Variants in EDIL3 observed in about 807,000 individuals in gnomAD.
The protein encoded by EDIL3 is EGF-like repeat and discoidin I-like domain-containing protein 3.
Under a neutral mutation model 67.4 loss-of-function variants are expected in EDIL3, and 37 were observed. The ratio of observed to expected loss-of-function variants is 0.55; its 90% CI spans 0.42 to 0.72. The LOEUF (loss-of-function observed/expected upper bound fraction) is 0.72. EDIL3 is among the 30% of genes least tolerant of loss of function. The pLI is 0.00. For synonymous variants in EDIL3, 195 were observed against 196.3 expected (o/e 0.99, Z 0.05); for missense variants, 527 against 586.3 (o/e 0.90, Z 1.04).
intron 4 of EDIL3, among the ~76,000 whole-genome samples, chr5:84,139,807 T>C (rs1050531764): frequency 6.6e-6 from 1 of 152,142 alleles, no homozygotes; most frequent in African/African-American, 2.4e-5. Context: ...AAAAGTTTAA[T>C]TAAGACTAAT....
intron 1 of EDIL3, among the ~76,000 whole-genome samples, chr5:84,319,494 CAAAAAAAAAAAAAAAAA>C (rs55738450): frequency 1.2e-4 from 5 of 42,832 alleles, no homozygotes; most frequent in Admixed American, 3.3e-4. Context: ...CAAAAAACAA[CAAAAAAAAAAAAAAAAA>C]AAAAAAAAAA....
At chr5:84,206,925 C>T (rs1051097027) in intron 3 of EDIL3, among the ~76,000 whole-genome samples, 2 of 152,120 alleles carry the variant, frequency 1.3e-5, no homozygotes, top group African/African-American at 4.8e-5. Context: ...TATGACAAAC[C>T]CACAGTCAAT....
chr5:83,994,050 T>C (rs1318237018), intron 9 of EDIL3, among the ~76,000 whole-genome samples: 1 of 152,220 alleles, frequency 6.6e-6, no homozygotes, highest in Admixed American at 6.5e-5. Flanking sequence ...AATGTCTTAG[T>C]AGTATGCTCC....
At chr5:84,135,413 A>G (rs1748073834) in intron 5 of EDIL3, among the ~76,000 whole-genome samples, 1 of 152,154 alleles carries the variant, frequency 6.6e-6, no homozygotes, top group Admixed American at 6.5e-5. Context: ...TCAGGTACAA[A>G]TTCTCTATTT....
chr5:84,018,864 A>G (rs1381368138), intron 9 of EDIL3, among the ~76,000 whole-genome samples: 1 of 152,202 alleles, frequency 6.6e-6, no homozygotes, highest in Non-Finnish European at 1.5e-5. Flanking sequence ...CACACCAGTT[A>G]GAATGGCGAT....
At chr5:84,215,379 G>A (rs1488409613) in intron 3 of EDIL3, among the ~76,000 whole-genome samples, 1 of 151,630 alleles carries the variant, frequency 6.6e-6, no homozygotes, top group Non-Finnish European at 1.5e-5. Context: ...TCAGCCTCCC[G>A]AGTAGCTGGG....
chr5:83,996,527 A>G (rs1245233643), intron 9 of EDIL3, among the ~76,000 whole-genome samples: 1 of 152,192 alleles, frequency 6.6e-6, no homozygotes, highest in Non-Finnish European at 1.5e-5. Flanking sequence ...CAGTGACAGT[A>G]TGGAGGAATG....
intron 5 of EDIL3, among the ~76,000 whole-genome samples, chr5:84,135,466 G>A (rs889004177): frequency 5.9e-5 from 9 of 152,082 alleles, no homozygotes; most frequent in African/African-American, 2.2e-4. Context: ...CAGTTTTTTT[G>A]TTCATCATAA....
chr5:83,949,711 G>T (rs557565477), intron 10 of EDIL3, among the ~76,000 whole-genome samples: 1 of 151,802 alleles, frequency 6.6e-6, no homozygotes, highest in Non-Finnish European at 1.5e-5. Context: ...ACAGACACAT[G>T]TCATTCCAGT....
intron 3 of EDIL3, among the ~76,000 whole-genome samples, chr5:84,220,605 G>A (rs1290026174): frequency 6.6e-6 from 1 of 152,164 alleles, no homozygotes; most frequent in African/African-American, 2.4e-5. Flanking sequence ...GACCTTCATT[G>A]ATTGGTGACC....
At chr5:84,232,623 C>T (rs1457478340) in intron 2 of EDIL3, among the ~76,000 whole-genome samples, 1 of 152,124 alleles carries the variant, frequency 6.6e-6, no homozygotes, top group Admixed American at 6.6e-5. Context: ...TACAAATTAA[C>T]AGAATTACAG....
chr5:84,180,249 T>C (rs1027148336), intron 4 of EDIL3, 144 bp downstream of exon 4: 2 of 855,734 alleles, frequency 2.3e-6, no homozygotes, highest in African/African-American at 3.5e-5. Flanking sequence ...CATGGTGTAT[T>C]CCATGGGAGA....
intron 5 of EDIL3, among the ~76,000 whole-genome samples, chr5:84,134,009 T>C (rs1410960154): frequency 6.6e-6 from 1 of 151,072 alleles, no homozygotes; most frequent in Non-Finnish European, 1.5e-5. Flanking sequence ...ATTATTAACA[T>C]GAAATAATTT....
intron 5 of EDIL3, among the ~76,000 whole-genome samples, chr5:84,109,398 C>A (rs1230212732): frequency 6.6e-6 from 1 of 152,026 alleles, no homozygotes; most frequent in Non-Finnish European, 1.5e-5. Flanking sequence ...CCCAGCTACT[C>A]AGGAGGCTGA....
chr5:84,366,464 G>A (rs116701222), intron 1 of EDIL3, among the ~76,000 whole-genome samples: 1,917 of 152,272 alleles, frequency 0.013, 19 homozygotes, highest in Middle Eastern at 0.034. Context: ...GCTTTACTTT[G>A]TCTAATGCTT....
intron 1 of EDIL3, among the ~76,000 whole-genome samples, chr5:84,352,326 T>A (rs74410191): frequency 0.014 from 2,171 of 152,150 alleles, 61 homozygotes; most frequent in African/African-American, 0.05. Context: ...CAAAAAGACA[T>A]CTGCCCTGTT....
chr5:84,294,040 A>G (rs1237852184), intron 1 of EDIL3, among the ~76,000 whole-genome samples: 1 of 151,976 alleles, frequency 6.6e-6, no homozygotes, highest in African/African-American at 2.4e-5. Flanking sequence ...TACATACTGT[A>G]AAATTGCAGA....
chr5:84,057,165 A>G (rs1209276767), intron 9 of EDIL3, among the ~76,000 whole-genome samples: 1 of 152,180 alleles, frequency 6.6e-6, no homozygotes, highest in African/African-American at 2.4e-5. Flanking sequence ...TCCTTGAATT[A>G]ACACAAAGTC....
intron 2 of EDIL3, among the ~76,000 whole-genome samples, chr5:84,247,544 G>T (rs1561234073): frequency 6.6e-6 from 1 of 151,818 alleles, no homozygotes; most frequent in Non-Finnish European, 1.5e-5. Flanking sequence ...GTATTTTCTG[G>T]GATAAATATA....
Sources: allele counts gnomAD v4.1 joint callset (sites outside exome capture counted in the v4.1 genomes callset), GRCh38; gene constraint gnomAD v4.1.1; transcripts MANE v1.5; gene names NCBI Gene and HGNC (gene_info 2026-07-23, HGNC 2026-07-21).